Variants in CDC23 observed in about 807,000 individuals in gnomAD.
The protein encoded by CDC23 is cell division cycle 23.
In CDC23, 26 loss-of-function variants were observed where a neutral mutation model predicts 81.7. The observed-to-expected ratio is 0.32, with a 90% CI of 0.23 to 0.44. CDC23 has a LOEUF of 0.44. Among genes scored for constraint, CDC23 ranks in the 20% least tolerant of loss-of-function variants. The pLI is 1.00. For synonymous variants in CDC23, 267 were observed against 270.8 expected, an observed-to-expected ratio of 0.99 and a Z score of 0.14; for missense variants, 519 against 728.0, an observed-to-expected ratio of 0.71 and a Z score of 3.30.
intron 2 of CDC23, among the ~76,000 whole-genome samples, chr5:138,207,956 TC>T (rs1008022734): frequency 1.6e-4 from 24 of 148,932 alleles, no homozygotes; most frequent in Middle Eastern, 6.9e-3. Flanking sequence ...AAAAATTCAA[TC>T]CCCCAAATTC....
chr5:138,194,216 G>A (rs953191909), intron 9 of CDC23, among the ~76,000 whole-genome samples: 1 of 152,120 alleles, frequency 6.6e-6, no homozygotes, highest in East Asian at 1.9e-4. Context: ...ATGGGAGGCT[G>A]AGGTGGGAGG....
chr5:138,212,841 A>C, intron 2 of CDC23, 150 bp downstream of exon 2: 1 of 632,500 alleles, frequency 1.6e-6, no homozygotes, highest in Non-Finnish European at 2.8e-6. Context: ...GGATAAAATC[A>C]TTTAAAACAC....
At position 138,189,924 on chromosome 5, in the gene CDC23, C is replaced by A. The variant is rs753970205; in HGVS notation, c.1425-18G>T. ...CATGAAGCCTACAAAAGAAACTGATCTTTAAATACCAATGATATCCCAAAG... is the reference window on the plus strand; with the variant it reads ...CATGAAGCCTACAAAAGAAACTGATATTTAAATACCAATGATATCCCAAAG... On this transcript the variant is annotated intron_variant, in intron 13 of 15. Transcript: ENST00000394886. 9 of 1,609,732 alleles carry A rather than the reference C, an allele frequency of 5.6e-6. No homozygotes were observed. The highest frequency in any genetic ancestry group is 6.8e-6 in the Non-Finnish European group (8 of 1,176,942).
chr5:138,208,459 T>C (rs1336679921), intron 2 of CDC23, among the ~76,000 whole-genome samples: 2 of 152,060 alleles, frequency 1.3e-5, no homozygotes, highest in South Asian at 2.1e-4. Flanking sequence ...TTTATTTCTT[T>C]CCCCCTAACT....
intron 13 of CDC23, among the ~76,000 whole-genome samples, chr5:138,190,344 C>T (rs1182837794): frequency 2.0e-5 from 3 of 151,540 alleles, no homozygotes; most frequent in Non-Finnish European, 4.4e-5. Context: ...TGTAATCCCA[C>T]CTACTCAGGA....
Position 138,188,854 on chromosome 5 carries a change from G to A in CDC23, c.*124C>T. The A allele has an allele frequency of 1.2e-6, 1 of 843,190 alleles. No individual in the cohort carries two copies. The highest frequency in any genetic ancestry group is 1.8e-6 in the Non-Finnish European group (1 of 555,912). The allele number at this position is 843,190 out of a possible 1,614,324, so 52.2% of individuals were successfully genotyped here. On this transcript the variant is annotated 3_prime_UTR_variant, in exon 16 of 16. Coordinates refer to ENST00000394886, the MANE Select transcript of CDC23 (RefSeq NM_004661.4). ...AGGTAATTATACAAGCTGTCCCTAT[G>A]GAGCTGTTGCCATCTGTAGAAACAA...
At chr5:138,206,438 A>T (rs1475882871) in intron 3 of CDC23, 109 bp downstream of exon 3, 5 of 1,052,300 alleles carry the variant, frequency 4.8e-6, no homozygotes, top group Non-Finnish European at 7.5e-6. Context: ...TATAAAGTAC[A>T]TTCATTCAGT....
intron 2 of CDC23, among the ~76,000 whole-genome samples, chr5:138,208,049 C>T (rs1755072659): frequency 6.6e-6 from 1 of 151,874 alleles, no homozygotes; most frequent in East Asian, 1.9e-4. Context: ...GTAACCTCCA[C>T]CTTCTAGGTT....
intron 9 of CDC23, among the ~76,000 whole-genome samples, chr5:138,193,727 G>T (rs1008502397): frequency 2.0e-5 from 3 of 152,102 alleles, no homozygotes; most frequent in Non-Finnish European, 4.4e-5. Context: ...GGGAGGCTAA[G>T]GCGGGCGGAT....
In CDC23 at chr5:138,196,890, CTTTTTTT is replaced by C. The variant is rs34002952; in HGVS notation, c.1012+1302_1012+1308del. On this transcript the variant is annotated intron_variant, in intron 9 of 15. Coordinates refer to ENST00000394886, the MANE Select transcript of CDC23 (RefSeq NM_004661.4). The stretch of plus-strand genomic sequence containing the variant: ...CCACCGCGCCTGGCCTTTTTTTTTC[CTTTTTTT>C]TTTTTTTTTTTTTTTTAAATAGAGA... Among the ~76,000 whole-genome samples, 195 of 113,424 alleles carry C rather than the reference CTTTTTTT, an allele frequency of 1.7e-3. 2 individuals carry two copies. The highest frequency in any genetic ancestry group is 8.2e-3 in the South Asian group (27 of 3,292). 74.4% of individuals were successfully genotyped at this position (113,424 alleles called of 152,430 possible). A position where few individuals can be genotyped will look rare whatever the true frequency, so the allele number is the denominator to read the frequency against.
chr5:138,197,374 T>C (rs116595893), intron 9 of CDC23, among the ~76,000 whole-genome samples: 1,508 of 149,202 alleles, frequency 0.01, 20 homozygotes, highest in Non-Finnish European at 0.016. Flanking sequence ...TTAAATGTAC[T>C]AACATGAAAA....
intron 13 of CDC23, among the ~76,000 whole-genome samples, chr5:138,190,897 A>T (rs970335458): frequency 6.6e-6 from 1 of 152,058 alleles, no homozygotes; most frequent in African/African-American, 2.4e-5. Context: ...GATACCAAGC[A>T]ACTCAATTTT....
Position 138,190,000 on chromosome 5 carries a change from C to T in CDC23, c.1425-94G>A, listed in dbSNP as rs550515249. 59 of 948,332 alleles carry T rather than the reference C, an allele frequency of 6.2e-5. 1 individual carries two copies. The South Asian group carries it at 7.2e-4, about 12-fold the overall frequency. The allele number at this position is 948,332 out of a possible 1,614,324, so 58.7% of individuals were successfully genotyped here. On this transcript the variant is annotated intron_variant, in intron 13 of 15. Coordinates refer to ENST00000394886, the MANE Select transcript of CDC23 (RefSeq NM_004661.4). ...GTACATAAGACCAAAAAAAACAATA[C>T]ATAGGTAAGTATCAATTTTGACATA...
At chr5:138,192,829 C>A (rs558956102) in intron 9 of CDC23, among the ~76,000 whole-genome samples, 172 bp from the exon 10 acceptor site, 1 of 152,142 alleles carries the variant, frequency 6.6e-6, no homozygotes, top group Admixed American at 6.6e-5. Flanking sequence ...AAATATATTT[C>A]ATCTGTCACA....
At chr5:138,189,337 G>A (rs886875575) in intron 15 of CDC23, among the ~76,000 whole-genome samples, 189 bp from the exon 16 acceptor site, 1 of 151,586 alleles carries the variant, frequency 6.6e-6, no homozygotes, top group Admixed American at 6.6e-5. Flanking sequence ...GCTCACTGCA[G>A]CCTCGACCTC....
chr5:138,201,372 A>G lies in CDC23; in HGVS notation c.492T>C (p.Ala164=). ...AAAGTCCAAATCCATCAAGTTCTCG[A>G]GCTTGGTGTTTTTTGCTGAGCTCCA... is the stretch of plus-strand genomic sequence containing the variant. ...LRVELSKKHQ[A]RELDGFGLYL... The change falls in exon 5 of 16, where the codon GCT becomes GCC. Residue 164 remains alanine, a synonymous_variant. Coordinates refer to ENST00000394886, the MANE Select transcript of CDC23 (RefSeq NM_004661.4). 2 of 1,614,104 alleles carry G rather than the reference A, an allele frequency of 1.2e-6. No individual in the cohort carries two copies. The highest frequency in any genetic ancestry group is 1.7e-6 in the Non-Finnish European group (2 of 1,179,996).
chr5:138,190,618 A>G (rs1366997725), intron 13 of CDC23, among the ~76,000 whole-genome samples: 1 of 152,154 alleles, frequency 6.6e-6, no homozygotes, highest in Non-Finnish European at 1.5e-5. Context: ...TACAAAAATT[A>G]GCCAGGTGTG....
chr5:138,191,406 C>T, intron 13 of CDC23, 68 bp downstream of exon 13: 2 of 1,315,832 alleles, frequency 1.5e-6, no homozygotes, highest in Non-Finnish European at 2.2e-6. Flanking sequence ...AGGCTCTAGA[C>T]CATGCAGGAC....
chr5:138,198,792 G>A lies in CDC23; in HGVS notation c.655-10C>T, dbSNP rs1754948648. ...AAGACAGGAACTTCAGCTGGCAGCAGGAGAGAGAGGGACACACTTAATATA... is the reference window on the plus strand; with the variant it reads ...AAGACAGGAACTTCAGCTGGCAGCAAGAGAGAGAGGGACACACTTAATATA... On this transcript the variant is annotated splice_polypyrimidine_tract_variant and intron_variant, in intron 6 of 15. Coordinates refer to ENST00000394886, the MANE Select transcript of CDC23 (RefSeq NM_004661.4). The A allele has an allele frequency of 1.2e-6, 2 of 1,612,180 alleles. No individual in the cohort carries two copies. Among genetic ancestry groups the A allele is most frequent in the South Asian group, 1.1e-5 (1 of 90,650 alleles).
Sources: allele counts gnomAD v4.1 joint callset (sites outside exome capture counted in the v4.1 genomes callset), GRCh38; gene constraint gnomAD v4.1.1; transcripts MANE v1.5; gene names NCBI Gene and HGNC (gene_info 2026-07-23, HGNC 2026-07-21).